SLC35F3: variants seen among roughly 807,000 people sequenced by gnomAD.
SLC35F3 encodes the protein solute carrier family 35 member F3.
A neutral mutation model predicts 49.9 loss-of-function variants in SLC35F3; 25 were observed. The observed-to-expected ratio is 0.50, with a 90% confidence interval of 0.37 to 0.70. The LOEUF (loss-of-function observed/expected upper bound fraction) is 0.70, where lower values mean the gene tolerates loss of function less well. Among genes scored for constraint, SLC35F3 ranks in the 30% least tolerant of loss-of-function variants. The pLI, the probability that SLC35F3 is intolerant of heterozygous loss-of-function variation, is 0.00. For synonymous variants in SLC35F3, 275 were observed against 265.4 expected, an observed-to-expected ratio of 1.04 and a Z score of -0.35; for missense variants, 525 against 639.8, an observed-to-expected ratio of 0.82 and a Z score of 1.94.
At chr1:234,278,507 G>C (rs983478163) in intron 3 of SLC35F3, among the ~76,000 whole-genome samples, 2 of 141,288 alleles carry the variant, frequency 1.4e-5, no homozygotes, top group African/African-American at 5.3e-5. Context: ...AAAAAAAAAC[G>C]AAAAAAAAAG....
intron 3 of SLC35F3, among the ~76,000 whole-genome samples, chr1:234,233,999 A>C (rs765496002): frequency 2.0e-5 from 3 of 152,098 alleles, no homozygotes; most frequent in Non-Finnish European, 4.4e-5. Flanking sequence ...CTTCCTCAAA[A>C]GGAGAGAAAA....
intron 2 of SLC35F3, among the ~76,000 whole-genome samples, chr1:233,968,304 G>A (rs552084991): frequency 8.6e-5 from 13 of 151,980 alleles, no homozygotes; most frequent in Admixed American, 3.3e-4. Flanking sequence ...TTTTGACTCC[G>A]GTATGACCTT....
intron 2 of SLC35F3, among the ~76,000 whole-genome samples, chr1:234,108,243 T>TAAAAGATATATATATTTATATATAC (rs1665316295): frequency 1.0e-5 from 1 of 97,842 alleles, no homozygotes; most frequent in Admixed American, 1.2e-4. Flanking sequence ...TTTATATATA[T>TAAAAGATATATATATTTATATATAC]AAAAGATATA....
At chr1:233,956,948 C>G (rs1157382089) in intron 2 of SLC35F3, among the ~76,000 whole-genome samples, 4 of 152,208 alleles carry the variant, frequency 2.6e-5, no homozygotes, top group Non-Finnish European at 5.9e-5. Context: ...GGCCAAATGG[C>G]AAGCCGTGAC....
intron 2 of SLC35F3, among the ~76,000 whole-genome samples, chr1:234,026,055 G>C (rs930221190): frequency 6.6e-6 from 1 of 152,142 alleles, no homozygotes; most frequent in African/African-American, 2.4e-5. Flanking sequence ...TATTGAATAG[G>C]GAGCCCTTTC....
intron 2 of SLC35F3, among the ~76,000 whole-genome samples, chr1:234,081,904 ATTTTTTTTTTTTT>A (rs781469880): frequency 3.6e-4 from 14 of 39,232 alleles, no homozygotes; most frequent in African/African-American, 1.6e-3. Flanking sequence ...TGCCTGGCTA[ATTTTTTTTTTTTT>A]TTTTTTTTTT....
intron 2 of SLC35F3, among the ~76,000 whole-genome samples, chr1:234,105,453 G>A (rs969472003): frequency 6.6e-6 from 1 of 152,286 alleles, no homozygotes; most frequent in African/African-American, 2.4e-5. Context: ...ATATCCAGTT[G>A]TTTCTCTTTC....
chr1:234,057,374 T>G lies in SLC35F3; in HGVS notation c.283+151616T>G, dbSNP rs1387993010. The stretch of plus-strand genomic sequence containing the variant: ...TTTAGAATGTAACTTTTGCACTTCA[T>G]TTGTTGAATTTATTCCACAGTATTT... On this transcript the variant is annotated intron_variant, in intron 2 of 7. Transcript: ENST00000366618. Among the ~76,000 whole-genome samples, 4 of 152,372 alleles carry G rather than the reference T, an allele frequency of 2.6e-5. No homozygotes were observed. In the East Asian group the frequency reaches 7.7e-4, roughly 29 times the overall value.
chr1:233,944,275 A>G (rs1662478218), intron 2 of SLC35F3, among the ~76,000 whole-genome samples: 1 of 152,190 alleles, frequency 6.6e-6, no homozygotes, highest in African/African-American at 2.4e-5. Flanking sequence ...AAAGTAATAA[A>G]ATAGACTGCT....
chr1:234,105,659 G>A (rs1665274822), intron 2 of SLC35F3, among the ~76,000 whole-genome samples: 1 of 152,124 alleles, frequency 6.6e-6, no homozygotes, highest in Non-Finnish European at 1.5e-5. Context: ...GGAATCATTG[G>A]GTTGTCTCTT....
At chr1:234,204,696 T>G (rs1013105915) in intron 2 of SLC35F3, among the ~76,000 whole-genome samples, 7 of 152,222 alleles carry the variant, frequency 4.6e-5, no homozygotes. Flanking sequence ...AGGGAATTAT[T>G]GGGGATTCAG....
chr1:234,031,362 G>A (rs1380908139), intron 2 of SLC35F3, among the ~76,000 whole-genome samples: 3 of 152,194 alleles, frequency 2.0e-5, no homozygotes, highest in Non-Finnish European at 4.4e-5. Flanking sequence ...CTCTACACCT[G>A]TTGGACCTCA....
rs184326904 is a variant in SLC35F3, at chr1:233,911,775, C to T, written c.283+6017C>T. ...CACCCTAAAAGCTTTCCAACTAGAG[C>T]AGGTGAAATCTGAAGTACGCATATG... On this transcript the variant is annotated intron_variant, in intron 2 of 7. Coordinates refer to ENST00000366618, the MANE Select transcript of SLC35F3 (RefSeq NM_173508.4). Among the ~76,000 whole-genome samples, 724 of 152,244 alleles carry T rather than the reference C, an allele frequency of 4.8e-3. 6 individuals carry two copies. The highest frequency in any genetic ancestry group is 0.017 in the African/African-American group (702 of 41,536).
At chr1:233,930,236 G>C (rs1159089813) in intron 2 of SLC35F3, among the ~76,000 whole-genome samples, 1 of 151,998 alleles carries the variant, frequency 6.6e-6, no homozygotes, top group Non-Finnish European at 1.5e-5. Flanking sequence ...GTCACTTTGA[G>C]AACAATTGAT....
intron 2 of SLC35F3, among the ~76,000 whole-genome samples, chr1:234,193,699 A>G (rs954155221): frequency 6.6e-6 from 1 of 152,228 alleles, no homozygotes; most frequent in African/African-American, 2.4e-5. Flanking sequence ...TTGTAATCCT[A>G]CAAAGGACTA....
rs1394286794 is a variant in SLC35F3, at chr1:234,143,278, C to CTTTTTTTTTTTTTTTTTTTTTTTTTTTT, written c.284-88135_284-88134insTTTTTTTTTTTTTTTTTTTTTTTTTTTT. Among the ~76,000 whole-genome samples the CTTTTTTTTTTTTTTTTTTTTTTTTTTTT allele has an allele frequency of 1.6e-5, 2 of 127,446 alleles. 1 individual carries two copies. Among genetic ancestry groups the CTTTTTTTTTTTTTTTTTTTTTTTTTTTT allele is most frequent in the African/African-American group, 6.5e-5 (2 of 30,952 alleles). The allele number at this position is 127,446 out of a possible 152,430, so 83.6% of individuals were successfully genotyped here. A position where few individuals can be genotyped will look rare whatever the true frequency, so the allele number is the denominator to read the frequency against. On this transcript the variant is annotated intron_variant, in intron 2 of 7. Coordinates refer to ENST00000366618, the MANE Select transcript of SLC35F3 (RefSeq NM_173508.4). The stretch of plus-strand genomic sequence containing the variant: ...CTGCTTCTATGAGTTTGACTCTTTT[C>CTTTTTTTTTTTTTTTTTTTTTTTTTTTT]TTTTCTTTTCTTTTTTTTTTTTTTT...
chr1:234,288,609 T>C (rs996005678), intron 3 of SLC35F3, among the ~76,000 whole-genome samples: 9 of 152,204 alleles, frequency 5.9e-5, no homozygotes, highest in Non-Finnish European at 1.0e-4. Flanking sequence ...AAAGAAAAGA[T>C]AATCAAGGAG....
At chr1:234,288,239 A>G (rs1668454145) in intron 3 of SLC35F3, among the ~76,000 whole-genome samples, 1 of 152,138 alleles carries the variant, frequency 6.6e-6, no homozygotes, top group African/African-American at 2.4e-5. Flanking sequence ...ACTACACCAT[A>G]ATACAGACCC....
At chr1:234,008,481 T>A (rs1663664760) in intron 2 of SLC35F3, among the ~76,000 whole-genome samples, 2 of 152,216 alleles carry the variant, frequency 1.3e-5, no homozygotes, top group Non-Finnish European at 2.9e-5. Context: ...TCTCTTCTTT[T>A]TGTCCTTGAT....
Sources: gnomAD v4.1 joint callset for allele counts (sites outside exome capture counted in the v4.1 genomes callset) on GRCh38, gnomAD v4.1.1 for gene constraint, MANE v1.5 for transcripts, NCBI Gene and HGNC (gene_info 2026-07-23, HGNC 2026-07-21) for gene names.